The following PRELID2 variants were observed in gnomAD, a reference collection of about 807,000 sequenced individuals.
PRELID2 encodes the protein PRELI domain containing 2, also known as PRELI domain-containing protein 2.
Under a neutral mutation model 28.4 loss-of-function variants are expected in PRELID2, and 25 were observed. That is an observed-to-expected ratio of 0.88 (90% CI 0.64 to 1.23). PRELID2 has a LOEUF of 1.23. PRELID2 is among the 50% of genes most tolerant of loss of function. The pLI, the probability that PRELID2 is intolerant of heterozygous loss-of-function variation, is 0.00. For synonymous variants in PRELID2, 76 were observed against 71.6 expected, an observed-to-expected ratio of 1.06 and a Z score of -0.31; for missense variants, 201 against 214.4, an observed-to-expected ratio of 0.94 and a Z score of 0.39.
intron 1 of PRELID2, among the ~76,000 whole-genome samples, chr5:145,562,807 T>C (rs551148358): frequency 6.6e-6 from 1 of 151,962 alleles, no homozygotes; most frequent in Non-Finnish European, 1.5e-5. Context: ...AAGGAGAAGA[T>C]GGGTGATTAT....
At chr5:145,516,247 G>A (rs1169009021) in intron 1 of PRELID2, among the ~76,000 whole-genome samples, 4 of 152,250 alleles carry the variant, frequency 2.6e-5, no homozygotes, top group East Asian at 1.9e-4. Context: ...AAACCCCATC[G>A]TCTGAGCCCA....
In PRELID2 at chr5:145,511,577, C is replaced by T. The variant is rs548035036; in HGVS notation, n.71-38262G>A. On this transcript the variant is annotated intron_variant and non_coding_transcript_variant, in intron 1 of 2. Coordinates refer to the PRELID2 transcript ENST00000510259. ...TGAGAGATAGGCAGCTATGGCCATT[C>T]ATTTCGTGGTTCAAAAATGTCCAGC... 7.2e-5 allele frequency among the ~76,000 whole-genome samples: 11 copies of T among 152,294 alleles called. No homozygotes were observed. The South Asian group carries it at 2.3e-3, about 32-fold the overall frequency.
chr5:145,589,675 T>C (rs947010910), intron 1 of PRELID2, among the ~76,000 whole-genome samples: 1 of 152,176 alleles, frequency 6.6e-6, no homozygotes, highest in Non-Finnish European at 1.5e-5. Context: ...TGATTAGCTT[T>C]ATATGCATTG....
intron 1 of PRELID2, among the ~76,000 whole-genome samples, chr5:145,555,937 T>C (rs536094098): frequency 3.0e-4 from 46 of 152,148 alleles, no homozygotes; most frequent in African/African-American, 1.0e-3. Flanking sequence ...ATTGTAATCA[T>C]AGAACTTTGG....
intron 1 of PRELID2, among the ~76,000 whole-genome samples, chr5:145,567,787 T>C (rs1561507744): frequency 6.6e-6 from 1 of 152,146 alleles, no homozygotes; most frequent in Non-Finnish European, 1.5e-5. Flanking sequence ...GATTGTAAGT[T>C]TCCTGAGGCC....
chr5:145,480,509 T>C (rs564659137), intron 1 of PRELID2, among the ~76,000 whole-genome samples: 1 of 152,310 alleles, frequency 6.6e-6, no homozygotes, highest in African/African-American at 2.4e-5. Context: ...AATAAAATAA[T>C]TAAATATGTG....
At chr5:145,671,059 G>A (rs1754696970) in intron 1 of PRELID2, among the ~76,000 whole-genome samples, 1 of 152,132 alleles carries the variant, frequency 6.6e-6, no homozygotes, top group Non-Finnish European at 1.5e-5. Context: ...ATAAGCTAAT[G>A]TATGCAAACA....
chr5:145,807,804 G>T (rs1753617784), intron 4 of PRELID2, among the ~76,000 whole-genome samples: 1 of 152,116 alleles, frequency 6.6e-6, no homozygotes, highest in Admixed American at 6.5e-5. Context: ...AGATGGTGAT[G>T]AAGCATCTTC....
chr5:145,559,391 G>A (rs115283620), intron 1 of PRELID2, among the ~76,000 whole-genome samples: 224 of 152,156 alleles, frequency 1.5e-3, no homozygotes, highest in African/African-American at 5.4e-3. Context: ...ACAGATATAT[G>A]TCTACTGACC....
chr5:145,394,370 G>C, the PRELID2 span, among the ~76,000 whole-genome samples: 1 of 148,146 alleles, frequency 6.8e-6, no homozygotes, highest in African/African-American at 2.5e-5. Flanking sequence ...ACTCATAGGT[G>C]GGAATTGAAC....
rs138106635 is a variant in PRELID2 at position 145,814,210 on chromosome 5, T to C, written c.368+3684A>G. On this transcript the variant is annotated intron_variant, in intron 4 of 6. Transcript: ENST00000683046. ...TTTCAGAGCTAATTGTCATTTTATA[T>C]ATCACAGATGAAAGTTTAGTTCACC... 7.2e-3 allele frequency among the ~76,000 whole-genome samples: 1,097 copies of C among 152,354 alleles called. 12 individuals carry two copies. The highest frequency in any genetic ancestry group is 0.031 in the Middle Eastern group (9 of 294).
intron 4 of PRELID2, among the ~76,000 whole-genome samples, chr5:145,810,625 A>C (rs1561635968): frequency 6.6e-6 from 1 of 152,220 alleles, no homozygotes; most frequent in Admixed American, 6.5e-5. Context: ...TTCTATATTA[A>C]ATACATTCTG....
Position 145,589,891 on chromosome 5 carries a change from T to C in PRELID2, n.71-116576A>G, listed in dbSNP as rs556622206. Reference sequence around the variant, plus strand: ...TGTATGGTTTGATGTAAGAATATTATGTTTTTGCACAAACAACAAATGCAT... The same window carrying C: ...TGTATGGTTTGATGTAAGAATATTACGTTTTTGCACAAACAACAAATGCAT... On this transcript the variant is annotated intron_variant and non_coding_transcript_variant, in intron 1 of 2. Transcript: ENST00000510259. Among the ~76,000 whole-genome samples, 22 of 152,342 alleles carry C rather than the reference T, an allele frequency of 1.4e-4. 1 individual carries two copies. In the South Asian group the frequency reaches 3.3e-3, roughly 23 times the overall value.
At chr5:145,795,971 AATTGGGGTCTCTGT>A (rs1372493113) in intron 5 of PRELID2, 1 of 152,684 alleles carries the variant, frequency 6.5e-6, no homozygotes, top group Non-Finnish European at 1.5e-5. Context: ...AAGAGTGGAC[AATTGGGGTCTCTGT>A]ATTTTCCTCA....
the PRELID2 span, among the ~76,000 whole-genome samples, chr5:145,448,256 T>C: frequency 6.6e-6 from 1 of 151,960 alleles, no homozygotes; most frequent in African/African-American, 2.4e-5. Context: ...GTTTTTTGGC[T>C]GCATAAATGT....
chr5:145,417,242 T>C, the PRELID2 span, among the ~76,000 whole-genome samples: 23 of 152,104 alleles, frequency 1.5e-4, no homozygotes, highest in Admixed American at 4.6e-4. Flanking sequence ...GTTCTGAAAC[T>C]GAGGCAGTAA....
chr5:145,832,817 C>T (rs1755691434), intron 1 of PRELID2, among the ~76,000 whole-genome samples: 1 of 152,070 alleles, frequency 6.6e-6, no homozygotes, highest in Non-Finnish European at 1.5e-5. Flanking sequence ...CACACCCAGC[C>T]TTCCTAGGAA....
At chr5:145,495,060 G>T (rs1293691895) in intron 1 of PRELID2, among the ~76,000 whole-genome samples, 2 of 152,166 alleles carry the variant, frequency 1.3e-5, no homozygotes, top group Non-Finnish European at 2.9e-5. Flanking sequence ...AGTGGTCTAT[G>T]CTCACTGTCT....
chr5:145,253,204 A>G, the PRELID2 span, among the ~76,000 whole-genome samples: 2 of 152,142 alleles, frequency 1.3e-5, no homozygotes. Context: ...TCCCAGAGAG[A>G]TGATAAACTA....
Sources: gnomAD v4.1 joint callset for allele counts (sites outside exome capture counted in the v4.1 genomes callset) on GRCh38, gnomAD v4.1.1 for gene constraint, MANE v1.5 for transcripts, NCBI Gene and HGNC (gene_info 2026-07-23, HGNC 2026-07-21) for gene names.